The following SRRM4 variants were observed in gnomAD, a reference collection of about 807,000 sequenced individuals.
SRRM4 encodes serine/arginine repetitive matrix 4, also known as serine/arginine repetitive matrix protein 4.
In SRRM4, 33 loss-of-function variants were observed where a neutral mutation model predicts 68.9. That is an observed-to-expected ratio of 0.48 (90% CI 0.36 to 0.64). The LOEUF (loss-of-function observed/expected upper bound fraction) is 0.64, where lower values mean the gene tolerates loss of function less well. Among genes scored for constraint, SRRM4 ranks in the 30% least tolerant of loss-of-function variants. The probability of loss-of-function intolerance (pLI) is 0.00; values close to 1 mark genes in which losing one functional copy is unlikely to be tolerated. For synonymous variants in SRRM4, 318 were observed against 318.8 expected (o/e 1.00, Z 0.03); for missense variants, 817 against 827.1 (o/e 0.99, Z 0.15).
chr12:119,158,999 G>GTA lies in SRRM4; in HGVS notation c.*2202_*2203insAT, dbSNP rs1954491944. ...TGTGTGTGTGTGTGTGTGTGTGTGT[G>GTA]TGTGTGTGTGTGTGTGTGTTGGGGG... On this transcript the variant is annotated 3_prime_UTR_variant, in exon 13 of 13. Transcript: ENST00000267260. The GTA allele has an allele frequency of 6.6e-6, 1 of 151,596 alleles. No individual in the cohort carries two copies. Among genetic ancestry groups the GTA allele is most frequent in the Admixed American group, 6.6e-5 (1 of 15,190 alleles). 9.4% of individuals were successfully genotyped at this position (151,596 alleles called of 1,614,324 possible). A position where few individuals can be genotyped will look rare whatever the true frequency, so the allele number is the denominator to read the frequency against.
intron 8 of SRRM4, among the ~76,000 whole-genome samples, chr12:119,133,589 C>G (rs1276802734): frequency 1.3e-5 from 2 of 152,176 alleles, no homozygotes; most frequent in Non-Finnish European, 2.9e-5. Context: ...ATGCATGGCC[C>G]TTTCTCGTCT....
intron 5 of SRRM4, among the ~76,000 whole-genome samples, chr12:119,121,653 A>G (rs539948614): frequency 4.4e-4 from 67 of 152,314 alleles, no homozygotes; most frequent in African/African-American, 1.6e-3. Flanking sequence ...TTCTTTGCCC[A>G]TCTGAGGTTC....
chr12:119,066,474 T>A (rs1953846624), intron 1 of SRRM4, among the ~76,000 whole-genome samples: 2 of 152,346 alleles, frequency 1.3e-5, no homozygotes, highest in South Asian at 4.1e-4. Flanking sequence ...GTCAGCAGAA[T>A]CAGCATCATT....
At chr12:119,134,413 A>G (rs1307011049) in intron 8 of SRRM4, among the ~76,000 whole-genome samples, 4 of 152,060 alleles carry the variant, frequency 2.6e-5, no homozygotes, top group African/African-American at 4.8e-5. Flanking sequence ...AAAAGAAAAA[A>G]AAAAACACTC....
intron 1 of SRRM4, among the ~76,000 whole-genome samples, chr12:119,081,591 G>A (rs1437696337): frequency 6.6e-6 from 1 of 152,202 alleles, no homozygotes; most frequent in Non-Finnish European, 1.5e-5. Flanking sequence ...AGTGATCAGA[G>A]GGCTTTGACT....
chr12:119,102,448 T>C, intron 2 of SRRM4, 66 bp downstream of exon 2: 1 of 1,318,136 alleles, frequency 7.6e-7, no homozygotes, highest in Admixed American at 2.2e-5. Context: ...TGGCCATGGC[T>C]CACCCCTCTC....
At chr12:119,060,400 C>A (rs1953803460) in intron 1 of SRRM4, among the ~76,000 whole-genome samples, 2 of 148,800 alleles carry the variant, frequency 1.3e-5, no homozygotes, top group Non-Finnish European at 3.0e-5. Context: ...TCACATGTAT[C>A]CATGTGAGCG....
At chr12:118,982,693 T>C (rs1162314534) in intron 1 of SRRM4, among the ~76,000 whole-genome samples, 1 of 101,580 alleles carries the variant, frequency 9.8e-6, no homozygotes, top group African/African-American at 3.7e-5. Flanking sequence ...TTTTTTTTTT[T>C]TTCCAAAAAG....
chr12:119,086,887 A>G (rs1261421039), intron 1 of SRRM4, among the ~76,000 whole-genome samples: 1 of 152,226 alleles, frequency 6.6e-6, no homozygotes, highest in Non-Finnish European at 1.5e-5. Context: ...GTCTGGAGGT[A>G]GAGTTCCAAA....
At chr12:119,065,751 C>CAAAAT (rs1395960900) in intron 1 of SRRM4, among the ~76,000 whole-genome samples, 35 of 151,762 alleles carry the variant, frequency 2.3e-4, no homozygotes, top group Admixed American at 6.6e-4. Context: ...GACTCCATCT[C>CAAAAT]AAAATAAAAT....
intron 6 of SRRM4, among the ~76,000 whole-genome samples, chr12:119,123,201 G>T (rs997612092): frequency 1.3e-5 from 2 of 152,124 alleles, no homozygotes; most frequent in Non-Finnish European, 2.9e-5. Flanking sequence ...TGCCCCAAAC[G>T]GTCTTTTCAC....
rs35250419 is a variant in SRRM4 at position 118,998,268 on chromosome 12, CAAAAAAAAAAAAAAAAAAA to C, written c.131+16268_131+16286del. On this transcript the variant is annotated intron_variant, in intron 1 of 12. Transcript: ENST00000267260. ...AACTGAGTGGATAAGAGCAATATGG[CAAAAAAAAAAAAAAAAAAA>C]AAAAAAAAAAAATCACAGAGAGTGT... Among the ~76,000 whole-genome samples the C allele has an allele frequency of 1.6e-4, 6 of 36,574 alleles. No homozygotes were observed. In the East Asian group the frequency reaches 4.9e-3, roughly 30 times the overall value. 24.0% of individuals were successfully genotyped at this position (36,574 alleles called of 152,430 possible). A position where few individuals can be genotyped will look rare whatever the true frequency, so the allele number is the denominator to read the frequency against.
chr12:119,022,435 C>A (rs772055124), intron 1 of SRRM4, among the ~76,000 whole-genome samples: 7 of 152,196 alleles, frequency 4.6e-5, no homozygotes, highest in Admixed American at 4.6e-4. Flanking sequence ...TGATCTCCAC[C>A]AGCCTTCCTT....
At chr12:119,149,540 T>C (rs1385812044) in intron 9 of SRRM4, among the ~76,000 whole-genome samples, 1 of 152,172 alleles carries the variant, frequency 6.6e-6, no homozygotes. Flanking sequence ...AACTAAGGTC[T>C]GTGGTAACAC....
chr12:119,030,927 A>G (rs901651532), intron 1 of SRRM4: 1 of 152,220 alleles, frequency 6.6e-6, no homozygotes, highest in Non-Finnish European at 1.5e-5. Flanking sequence ...TTATTAAAAA[A>G]TTTGCAGTGA....
intron 7 of SRRM4, among the ~76,000 whole-genome samples, chr12:119,129,649 G>A (rs1419191720): frequency 6.6e-6 from 1 of 152,194 alleles, no homozygotes; most frequent in Non-Finnish European, 1.5e-5. Flanking sequence ...GAATCTGGAT[G>A]GGGACCTTTT....
chr12:119,042,272 A>G (rs1463653683), intron 1 of SRRM4, among the ~76,000 whole-genome samples: 2 of 151,580 alleles, frequency 1.3e-5, no homozygotes, highest in Non-Finnish European at 2.9e-5. Flanking sequence ...GAGAGCTGCA[A>G]GCAGGCCTGG....
chr12:119,025,118 G>GGT (rs142897045), intron 1 of SRRM4, among the ~76,000 whole-genome samples: 28 of 151,622 alleles, frequency 1.8e-4, no homozygotes, highest in African/African-American at 4.4e-4. Context: ...TGTGCATTAG[G>GGT]GTGTGTGTGT....
intron 1 of SRRM4, among the ~76,000 whole-genome samples, chr12:119,101,982 T>C (rs1954080202): frequency 6.6e-6 from 1 of 152,174 alleles, no homozygotes; most frequent in South Asian, 2.1e-4. Context: ...GTTTCACCTT[T>C]CAGAATGCGT....
Sources: gnomAD v4.1 joint callset for allele counts (sites outside exome capture counted in the v4.1 genomes callset) on GRCh38, gnomAD v4.1.1 for gene constraint, MANE v1.5 for transcripts, NCBI Gene and HGNC (gene_info 2026-07-23, HGNC 2026-07-21) for gene names.